The following DYSF variants were observed in gnomAD, a reference collection of about 807,000 sequenced individuals.
The protein encoded by DYSF is dysferlin, also known as dystrophy-associated fer-1-like 1.
A neutral mutation model predicts 274.9 loss-of-function variants in DYSF; 212 were observed. The ratio of observed to expected loss-of-function variants is 0.77; its 90% CI spans 0.69 to 0.86. DYSF has a LOEUF of 0.86. Among genes scored for constraint, DYSF ranks in the 40% least tolerant of loss-of-function variants. DYSF has a pLI of 0.00. For synonymous variants in DYSF, 1,091 were observed against 1,078.7 expected (o/e 1.01, Z -0.22); for missense variants, 2,666 against 2,783.2 (o/e 0.96, Z 0.95).
chr2:71,547,714 C>T lies in DYSF; in HGVS notation c.1577-3327C>T, dbSNP rs185315465. Among the ~76,000 whole-genome samples the T allele has an allele frequency of 3.2e-3, 483 of 152,322 alleles. 2 individuals carry two copies. The highest frequency in any genetic ancestry group is 0.027 in the Middle Eastern group (8 of 294). On this transcript the variant is annotated intron_variant, in intron 17 of 55. Coordinates refer to ENST00000410020, the MANE Select transcript of DYSF (RefSeq NM_001130987.2). The stretch of plus-strand genomic sequence containing the variant: ...GGTGTGGTTGCGAGGCAGGCTGCTT[C>T]GCAGCCACCCACTTGATCCTCTGAG...
chr2:71,563,622 G>C (rs1209101248), intron 23 of DYSF, among the ~76,000 whole-genome samples: 2 of 152,200 alleles, frequency 1.3e-5, no homozygotes, highest in African/African-American at 4.8e-5. Context: ...CTGTGGATCT[G>C]TTCCCGCTCT....
intron 35 of DYSF, among the ~76,000 whole-genome samples, chr2:71,601,846 A>G (rs2093557793): frequency 6.6e-6 from 1 of 152,194 alleles, no homozygotes; most frequent in African/African-American, 2.4e-5. Flanking sequence ...AGGGAATCTT[A>G]ATGCACATCC....
intron 30 of DYSF, chr2:71,576,295 G>A (rs989964668): frequency 1.3e-5 from 2 of 152,406 alleles, no homozygotes; most frequent in African/African-American, 4.8e-5. Flanking sequence ...GACCAGAGCA[G>A]TAGGGAGCCA....
chr2:71,633,992 GA>G, intron 41 of DYSF, among the ~76,000 whole-genome samples: 1 of 152,322 alleles, frequency 6.6e-6, no homozygotes, highest in Middle Eastern at 3.4e-3. Context: ...TCTTCAGGGG[GA>G]TTAAGGTGCT....
intron 54 of DYSF, among the ~76,000 whole-genome samples, chr2:71,681,700 A>C (rs920313938): frequency 1.3e-5 from 2 of 152,224 alleles, no homozygotes; most frequent in African/African-American, 4.8e-5. Flanking sequence ...ATGGATGTAG[A>C]TGCTGTGAAG....
intron 1 of DYSF, among the ~76,000 whole-genome samples, chr2:71,479,114 T>C (rs1310765685): frequency 7.1e-6 from 1 of 141,032 alleles, no homozygotes; most frequent in East Asian, 2.0e-4. Context: ...CCAAAGGCTT[T>C]CCACTGAGTC....
At chr2:71,685,497 C>T (rs1034817188) in intron 55 of DYSF, among the ~76,000 whole-genome samples, 2 of 152,192 alleles carry the variant, frequency 1.3e-5, no homozygotes, top group Non-Finnish European at 2.9e-5. Context: ...GAGGGCCGGG[C>T]CCTGGTGACC....
chr2:71,502,117 G>T (rs1196171159), intron 3 of DYSF, among the ~76,000 whole-genome samples: 1 of 123,278 alleles, frequency 8.1e-6, no homozygotes, highest in East Asian at 2.1e-4. Flanking sequence ...GTGTGTGTGT[G>T]TGTGTTTATA....
chr2:71,478,610 G>A (rs2082610044), intron 1 of DYSF, among the ~76,000 whole-genome samples: 1 of 152,188 alleles, frequency 6.6e-6, no homozygotes, highest in African/African-American at 2.4e-5. Context: ...ATAGTGGCCT[G>A]TGATTTCAAA....
At chr2:71,579,663 T>G (rs1262092866) in intron 30 of DYSF, among the ~76,000 whole-genome samples, 3 of 152,202 alleles carry the variant, frequency 2.0e-5, no homozygotes, top group African/African-American at 4.8e-5. Context: ...CATTTTACAG[T>G]TGGGGAGACT....
At chr2:71,519,315 G>A (rs1420609863) in intron 10 of DYSF, among the ~76,000 whole-genome samples, 1 of 151,960 alleles carries the variant, frequency 6.6e-6, no homozygotes, top group Non-Finnish European at 1.5e-5. Flanking sequence ...ATTATGTTTT[G>A]AGTCTTGTTC....
Position 71,681,084 on chromosome 2 carries a change from C to A in DYSF, c.6147C>A (p.Asn2049Lys), listed in dbSNP as rs1475050443. 1 of 1,614,206 alleles carries A rather than the reference C, an allele frequency of 6.2e-7. No individual in the cohort carries two copies. Among genetic ancestry groups the A allele is most frequent in the East Asian group, 2.2e-5 (1 of 44,878 alleles). ...CTGGCCAGGGCCGGGATGAGCCCAA[C>A]ATGAACCCTAAGCTTGAGGACCCAA... Reference protein sequence around the residue: ...RPAGQGRDEPNMNPKLEDPRR... With the variant: ...RPAGQGRDEPKMNPKLEDPRR... Residue 2049 changes from asparagine to lysine, a missense_variant, in exon 54 of 56, where the codon AAC (asparagine) becomes AAA (lysine). Physicochemically the swap from Asn to Lys is moderately conservative, Grantham distance 94. Around this residue, in one of 3 missense-constraint regions of DYSF, gnomAD observed 1,460 missense variants for 1,502.1 expected, o/e 0.97. Transcript: ENST00000410020.
At chr2:71,679,442 C>T (rs897459663) in intron 53 of DYSF, among the ~76,000 whole-genome samples, 1 of 152,006 alleles carries the variant, frequency 6.6e-6, no homozygotes, top group Admixed American at 6.5e-5. Context: ...CTTTGCGGCT[C>T]ACATCCCAGG....
Position 71,669,645 on chromosome 2 carries a change from G to C in DYSF, c.5683G>C (p.Val1895Leu). The change falls in exon 51 of 56, where the codon GTG becomes CTG. Residue 1895 changes from valine to leucine, a missense_variant. By Grantham distance (32) the Val-to-Leu change is conservative. Coordinates refer to ENST00000410020, the MANE Select transcript of DYSF (RefSeq NM_001130987.2). ...TGAAGAACACAAGCAAAAGACAGAC[G>C]TGCATTATCGTTCCCTGGGAGGTGA... ...GFEEHKQKTD[V>L]HYRSLGGEGN... 3 of 1,614,192 alleles carry C rather than the reference G, an allele frequency of 1.9e-6. No homozygotes were observed. Among genetic ancestry groups the C allele is most frequent in the Non-Finnish European group, 2.5e-6 (3 of 1,180,042 alleles).
chr2:71,657,551 A>C (rs531883427), intron 43 of DYSF, among the ~76,000 whole-genome samples: 30 of 152,174 alleles, frequency 2.0e-4, no homozygotes, highest in African/African-American at 7.0e-4. Context: ...TAAGGGCCCC[A>C]CCCCTGCAGC....
rs1202797561 is a variant in DYSF at position 71,680,771 on chromosome 2, A to G, written c.6064-230A>G. ...TCAGCTATGATGCATGCAAATGTTA[A>G]CAGTGCTTGTCTCCATGTAGTGGAA... On this transcript the variant is annotated intron_variant, in intron 53 of 55. Transcript: ENST00000410020. Among the ~76,000 whole-genome samples, 9 of 152,250 alleles carry G rather than the reference A, an allele frequency of 5.9e-5. 1 individual carries two copies. Among genetic ancestry groups the G allele is most frequent in the East Asian group, 3.8e-4 (2 of 5,198 alleles).
chr2:71,599,558 G>A (rs974283963), intron 33 of DYSF, among the ~76,000 whole-genome samples: 1 of 152,182 alleles, frequency 6.6e-6, no homozygotes, highest in African/African-American at 2.4e-5. Context: ...GTCAGTGCGA[G>A]GCAGAGGCCT....
rs144983221 is a variant in DYSF, at chr2:71,584,091, C to T, written c.3403-5502C>T. Among the ~76,000 whole-genome samples the T allele has an allele frequency of 7.5e-3, 1,126 of 151,066 alleles. 12 individuals carry two copies. Among genetic ancestry groups the T allele is most frequent in the African/African-American group, 0.026 (1,069 of 41,250 alleles). On this transcript the variant is annotated intron_variant, in intron 30 of 55. Transcript: ENST00000410020. ...GCTGCCAGCCCCAGCCTGGGAGTTGCGGTGGCATGAGCTATCAAGGCAGGA... is the reference window on the plus strand; with the variant it reads ...GCTGCCAGCCCCAGCCTGGGAGTTGTGGTGGCATGAGCTATCAAGGCAGGA...
At chr2:71,562,892 A>T (rs1028845498) in intron 23 of DYSF, among the ~76,000 whole-genome samples, 1 of 152,130 alleles carries the variant, frequency 6.6e-6, no homozygotes, top group African/African-American at 2.4e-5. Flanking sequence ...TTCCCTCTGT[A>T]ATCTCAGCCC....
Sources: allele counts gnomAD v4.1 joint callset (sites outside exome capture counted in the v4.1 genomes callset), GRCh38; gene constraint gnomAD v4.1.1; regional missense constraint gnomAD v4.1.1; transcripts MANE v1.5; gene names NCBI Gene and HGNC (gene_info 2026-07-23, HGNC 2026-07-21).